MYO3A: variants seen among roughly 807,000 people sequenced by gnomAD.
The protein encoded by MYO3A is myosin IIIA, also known as myosin-IIIa.
In MYO3A, 180 loss-of-function variants were observed where a neutral mutation model predicts 192.7. That is an observed-to-expected ratio of 0.93 (90% CI 0.83 to 1.06). MYO3A has a LOEUF of 1.06. Among genes scored for constraint, MYO3A ranks in the 50% least tolerant of loss-of-function variants. MYO3A has a pLI of 0.00. For synonymous variants in MYO3A, 628 were observed against 645.3 expected (o/e 0.97, Z 0.41); for missense variants, 1,896 against 1,905.0 (o/e 1.00, Z 0.09).
chr10:26,196,032 ACCTGCGT>A (rs1843390888), intron 32 of MYO3A, among the ~76,000 whole-genome samples: 1 of 152,236 alleles, frequency 6.6e-6, no homozygotes, highest in African/African-American at 2.4e-5. Context: ...AATTCCAGAT[ACCTGCGT>A]TTGACAGTCA....
intron 4 of MYO3A, among the ~76,000 whole-genome samples, chr10:25,993,072 C>T (rs1840160118): frequency 6.6e-6 from 1 of 152,158 alleles, no homozygotes; most frequent in South Asian, 2.1e-4. Context: ...GGAATAATTT[C>T]AGAAGGAATG....
At chr10:25,955,434 T>C (rs1837480104) in intron 4 of MYO3A, among the ~76,000 whole-genome samples, 2 of 152,330 alleles carry the variant, frequency 1.3e-5, no homozygotes, top group South Asian at 4.1e-4. Flanking sequence ...TTTCTGTCTT[T>C]ATTGAATGCT....
chr10:26,140,170 A>C (rs1170841848), intron 20 of MYO3A, among the ~76,000 whole-genome samples: 3 of 152,090 alleles, frequency 2.0e-5, no homozygotes, highest in Non-Finnish European at 2.9e-5. Flanking sequence ...TTAAATTTGC[A>C]CCTGATTTAC....
intron 23 of MYO3A, among the ~76,000 whole-genome samples, chr10:26,149,659 G>T (rs1341790229): frequency 6.6e-6 from 1 of 151,510 alleles, no homozygotes; most frequent in Non-Finnish European, 1.5e-5. Flanking sequence ...TGTGTTTATT[G>T]TATACAAATG....
intron 14 of MYO3A, among the ~76,000 whole-genome samples, chr10:26,075,752 T>TATATATATGTCTCTCTCATATATATATG (rs1287189240): frequency 6.1e-5 from 9 of 147,012 alleles, no homozygotes; most frequent in Non-Finnish European, 1.0e-4. Flanking sequence ...ATATATATGA[T>TATATATATGTCTCTCTCATATATATATG]ATATATATGT....
intron 10 of MYO3A, among the ~76,000 whole-genome samples, chr10:26,046,484 T>C (rs969154265): frequency 7.2e-5 from 11 of 152,208 alleles, no homozygotes; most frequent in Non-Finnish European, 1.3e-4. Context: ...ATATTCCACA[T>C]CAGTGCCCTC....
chr10:26,021,625 G>A lies in MYO3A; in HGVS notation c.708G>A (p.Met236Ile). 1 of 1,614,116 alleles carries A rather than the reference G, an allele frequency of 6.2e-7. No individual in the cohort carries two copies. Residue 236 changes from methionine (M) to isoleucine (I), a missense_variant, in exon 8 of 35, where the codon ATG (methionine) becomes ATA (isoleucine). Coordinates refer to ENST00000642920, the MANE Select transcript of MYO3A (RefSeq NM_017433.5). ...GDPPLADLHPMRALFKIPRNP... is the reference protein window; with the variant it reads ...GDPPLADLHPIRALFKIPRNP... ...CTCCACTAGCTGACCTTCATCCCAT[G>A]AGAGCACTCTTCAAAATACCAAGGT...
intron 10 of MYO3A, among the ~76,000 whole-genome samples, chr10:26,063,770 A>G (rs1416367293): frequency 6.6e-6 from 1 of 152,256 alleles, no homozygotes; most frequent in Non-Finnish European, 1.5e-5. Context: ...GAACAAAATG[A>G]CAGGTGAAGA....
intron 4 of MYO3A, among the ~76,000 whole-genome samples, chr10:25,979,013 C>T (rs1298074883): frequency 6.6e-6 from 1 of 152,062 alleles, no homozygotes; most frequent in African/African-American, 2.4e-5. Context: ...TTGCTTAGAT[C>T]TGTAAAATAG....
intron 14 of MYO3A, among the ~76,000 whole-genome samples, chr10:26,081,661 C>A (rs1290356130): frequency 6.6e-6 from 1 of 152,284 alleles, no homozygotes; most frequent in South Asian, 2.1e-4. Flanking sequence ...CTCCTCTGAC[C>A]ACCCTACCAT....
At chr10:26,060,304 T>A (rs1218056251) in intron 10 of MYO3A, among the ~76,000 whole-genome samples, 33 of 43,762 alleles carry the variant, frequency 7.5e-4, no homozygotes, top group African/African-American at 1.5e-3. Flanking sequence ...TAAATAAATT[T>A]AAAAAATACA....
At chr10:26,178,739 A>G (rs1333986453) in intron 31 of MYO3A, among the ~76,000 whole-genome samples, 1 of 152,032 alleles carries the variant, frequency 6.6e-6, no homozygotes, top group Non-Finnish European at 1.5e-5. Flanking sequence ...TATTAACTGA[A>G]CACTTCAGCT....
At chr10:26,176,470 G>A (rs1222578765) in intron 30 of MYO3A, among the ~76,000 whole-genome samples, 3 of 152,168 alleles carry the variant, frequency 2.0e-5, no homozygotes, top group Admixed American at 6.5e-5. Flanking sequence ...GTAGCATGAC[G>A]TGCTTGGCAG....
intron 4 of MYO3A, among the ~76,000 whole-genome samples, chr10:25,962,246 T>G (rs1378128498): frequency 6.6e-6 from 1 of 152,150 alleles, no homozygotes; most frequent in African/African-American, 2.4e-5. Context: ...TTTTATTTAT[T>G]TTACCCTCAT....
intron 14 of MYO3A, among the ~76,000 whole-genome samples, chr10:26,073,588 G>A (rs1445729359): frequency 9.6e-5 from 14 of 146,504 alleles, no homozygotes; most frequent in Admixed American, 2.7e-4. Flanking sequence ...GCAAGATTGC[G>A]CCACTGCACT....
chr10:26,014,490 C>A (rs762453219), intron 6 of MYO3A, among the ~76,000 whole-genome samples: 3 of 151,964 alleles, frequency 2.0e-5, no homozygotes, highest in Non-Finnish European at 4.4e-5. Context: ...AATCTGATTT[C>A]AAAATATTAA....
At chr10:26,182,810 C>T (rs558350171) in intron 31 of MYO3A, among the ~76,000 whole-genome samples, 4 of 152,306 alleles carry the variant, frequency 2.6e-5, no homozygotes, top group African/African-American at 7.2e-5. Context: ...ACACAGAAGA[C>T]GTGCTCACAG....
chr10:25,953,438 G>A (rs1350839871), intron 3 of MYO3A, among the ~76,000 whole-genome samples: 1 of 152,040 alleles, frequency 6.6e-6, no homozygotes, highest in Non-Finnish European at 1.5e-5. Context: ...GTATGCCCAG[G>A]CTTAACTGTT....
chr10:26,208,642 A>G (rs1426539675), intron 34 of MYO3A, among the ~76,000 whole-genome samples: 1 of 152,232 alleles, frequency 6.6e-6, no homozygotes, highest in Admixed American at 6.5e-5. Flanking sequence ...GAAGAGGATG[A>G]TCTGCTCCTT....
Sources: gnomAD v4.1 joint callset for allele counts (sites outside exome capture counted in the v4.1 genomes callset) on GRCh38, gnomAD v4.1.1 for gene constraint, MANE v1.5 for transcripts, NCBI Gene and HGNC (gene_info 2026-07-23, HGNC 2026-07-21) for gene names.